Variants in LRRC7 observed in about 807,000 individuals in gnomAD.
The protein encoded by LRRC7 is leucine-rich repeat-containing protein 7.
In LRRC7, 23 loss-of-function variants were observed where a neutral mutation model predicts 175.7. The observed-to-expected ratio is 0.13, with a 90% CI of 0.09 to 0.19. LRRC7 has a LOEUF of 0.19. Among genes scored for constraint, LRRC7 ranks in the 10% least tolerant of loss-of-function variants. The pLI is 1.00. For missense variants in LRRC7, 1,354 were observed against 1,904.7 expected, an observed-to-expected ratio of 0.71 and a Z score of 5.38; for synonymous variants, 685 against 680.9, an observed-to-expected ratio of 1.01 and a Z score of -0.09.
At chr1:69,973,083 A>G (rs1652431878) in intron 8 of LRRC7, among the ~76,000 whole-genome samples, 1 of 147,476 alleles carries the variant, frequency 6.8e-6, no homozygotes, top group Non-Finnish European at 1.5e-5. Context: ...ATATATATAT[A>G]TAAAAAAATA....
rs12080395 is a variant in LRRC7 at position 69,708,161 on chromosome 1, G to A, written c.100+29683G>A. 3.5e-3 allele frequency among the ~76,000 whole-genome samples: 533 copies of A among 152,186 alleles called. 5 individuals are homozygous for A. Among genetic ancestry groups the A allele is most frequent in the African/African-American group, 0.012 (510 of 41,532 alleles). The stretch of plus-strand genomic sequence containing the variant: ...GCACCCTTAAAGCCACAATATATAC[G>A]TATGACACATAAAACCTAAGTAAAA... On this transcript the variant is annotated intron_variant, in intron 2 of 26. Transcript: ENST00000651989.
At chr1:69,976,593 T>C (rs1256834661) in intron 8 of LRRC7, among the ~76,000 whole-genome samples, 1 of 152,266 alleles carries the variant, frequency 6.6e-6, no homozygotes, top group Non-Finnish European at 1.5e-5. Context: ...AGTGACCTAC[T>C]GTTTTTAAAA....
intron 4 of LRRC7, 100 bp downstream of exon 4, chr1:69,792,260 G>T: frequency 1.4e-6 from 1 of 734,198 alleles, no homozygotes. Flanking sequence ...CTTTTTCTTT[G>T]ATTTTGTTGC....
At chr1:69,699,648 A>G (rs1207935287) in intron 2 of LRRC7, among the ~76,000 whole-genome samples, 1 of 152,202 alleles carries the variant, frequency 6.6e-6, no homozygotes, top group Non-Finnish European at 1.5e-5. Context: ...TAGAAATTCA[A>G]TATGTGTCTC....
intron 23 of LRRC7, among the ~76,000 whole-genome samples, chr1:70,067,062 C>G (rs1662031838): frequency 6.6e-6 from 1 of 151,950 alleles, no homozygotes; most frequent in African/African-American, 2.4e-5. Flanking sequence ...ACTTATTTGC[C>G]TCCATCTGTA....
intron 10 of LRRC7, among the ~76,000 whole-genome samples, chr1:69,992,753 T>C (rs973799712): frequency 1.3e-5 from 2 of 152,154 alleles, no homozygotes; most frequent in African/African-American, 4.8e-5. Flanking sequence ...AACAAAAGTT[T>C]CTTGTGAGAG....
intron 8 of LRRC7, among the ~76,000 whole-genome samples, chr1:69,961,018 A>G (rs956027450): frequency 6.6e-6 from 1 of 152,190 alleles, no homozygotes; most frequent in Non-Finnish European, 1.5e-5. Context: ...AGGGCATTCA[A>G]ATAGGAGGGG....
At chr1:69,757,447 G>T (rs1327490905) in intron 2 of LRRC7, among the ~76,000 whole-genome samples, 1 of 151,970 alleles carries the variant, frequency 6.6e-6, no homozygotes, top group Non-Finnish European at 1.5e-5. Flanking sequence ...GTTTATCATG[G>T]TATAGACACA....
At chr1:69,976,688 A>G (rs1230446518) in intron 8 of LRRC7, among the ~76,000 whole-genome samples, 5 of 151,664 alleles carry the variant, frequency 3.3e-5, no homozygotes, top group African/African-American at 4.9e-5. Context: ...TCCTAACACA[A>G]CTCTATTCAT....
intron 5 of LRRC7, among the ~76,000 whole-genome samples, chr1:69,827,279 C>T (rs923959077): frequency 2.6e-5 from 4 of 151,950 alleles, no homozygotes; most frequent in African/African-American, 2.4e-5. Context: ...TCTAGTAGCT[C>T]GTCTTATTTA....
chr1:69,845,954 T>A (rs1002987877), intron 7 of LRRC7, among the ~76,000 whole-genome samples: 2 of 152,132 alleles, frequency 1.3e-5, no homozygotes, highest in African/African-American at 2.4e-5. Context: ...CTCTTCAGGA[T>A]TATCTTTATC....
At chr1:69,897,846 T>A (rs1477461238) in intron 7 of LRRC7, among the ~76,000 whole-genome samples, 1 of 152,180 alleles carries the variant, frequency 6.6e-6, no homozygotes, top group Non-Finnish European at 1.5e-5. Flanking sequence ...TACAGTGTCA[T>A]GTGAGTTTTT....
chr1:69,997,637 T>C (rs1261469649), intron 11 of LRRC7, among the ~76,000 whole-genome samples: 1 of 150,448 alleles, frequency 6.6e-6, no homozygotes, highest in Non-Finnish European at 1.5e-5. Context: ...TCAAAGGCCT[T>C]TTCTGCATCT....
Position 70,123,584 on chromosome 1 carries a change from C to G in LRRC7, c.*1697C>G, listed in dbSNP as rs550390097. 1.2e-4 allele frequency: 18 copies of G among 152,220 alleles called. No individual in the cohort carries two copies. Among genetic ancestry groups the G allele is most frequent in the African/African-American group, 3.9e-4 (16 of 41,546 alleles). 9.4% of individuals were successfully genotyped at this position (152,220 alleles called of 1,614,324 possible). A position where few individuals can be genotyped will look rare whatever the true frequency, so the allele number is the denominator to read the frequency against. On this transcript the variant is annotated 3_prime_UTR_variant, in exon 27 of 27. Transcript: ENST00000651989. ...CACTAATTTTGATGTTGCTTTATGT[C>G]AGGGTGACATTATACCATGATTTTA...
chr1:69,878,860 A>G (rs1405312520), intron 7 of LRRC7, among the ~76,000 whole-genome samples: 1 of 148,320 alleles, frequency 6.7e-6, no homozygotes, highest in African/African-American at 2.5e-5. Context: ...TTACTCTGCT[A>G]TGTATAATAT....
At chr1:69,906,534 T>C (rs1377778392) in intron 7 of LRRC7, among the ~76,000 whole-genome samples, 4 of 152,164 alleles carry the variant, frequency 2.6e-5, no homozygotes, top group Non-Finnish European at 5.9e-5. Context: ...CCCCATTGCT[T>C]GTTTTTCTCA....
In LRRC7 at chr1:70,132,362, A is replaced by G. The variant is rs1273437238; in HGVS notation, c.*10475A>G. 1.3e-5 allele frequency: 2 copies of G among 152,082 alleles called. No homozygotes were observed. Among genetic ancestry groups the G allele is most frequent in the Non-Finnish European group, 1.5e-5 (1 of 68,048 alleles). 9.4% of individuals were successfully genotyped at this position (152,082 alleles called of 1,614,324 possible). Reference sequence around the variant, plus strand: ...CTATTTTTGTCTAACGTCATAGGTAATGCTTTAGTCATACAACTTCTCAGA... The same window carrying G: ...CTATTTTTGTCTAACGTCATAGGTAGTGCTTTAGTCATACAACTTCTCAGA... On this transcript the variant is annotated 3_prime_UTR_variant, in exon 27 of 27. Coordinates refer to ENST00000651989, the MANE Select transcript of LRRC7 (RefSeq NM_001370785.2).
chr1:69,608,958 A>G (rs1383177282), intron 1 of LRRC7, among the ~76,000 whole-genome samples: 3 of 147,874 alleles, frequency 2.0e-5, no homozygotes. Flanking sequence ...AGAAAAAGAT[A>G]TATTTAACAG....
At chr1:69,994,670 A>T (rs1281870080) in intron 11 of LRRC7, 37 bp downstream of exon 11, 4 of 1,428,412 alleles carry the variant, frequency 2.8e-6, no homozygotes, top group Non-Finnish European at 3.9e-6. Context: ...TGCCTCTCAA[A>T]AGCCAGAAAC....
Sources: gnomAD v4.1 joint callset for allele counts (sites outside exome capture counted in the v4.1 genomes callset) on GRCh38, gnomAD v4.1.1 for gene constraint, MANE v1.5 for transcripts, NCBI Gene and HGNC (gene_info 2026-07-23, HGNC 2026-07-21) for gene names.